Variants in TUSC3 observed in about 807,000 individuals in gnomAD.
TUSC3 encodes dolichyl-diphosphooligosaccharide--protein glycosyltransferase subunit TUSC3.
Under a neutral mutation model 44.8 loss-of-function variants are expected in TUSC3, and 45 were observed. The observed-to-expected ratio is 1.00, with a 90% CI of 0.79 to 1.29. The LOEUF is 1.29. Ranked by LOEUF, TUSC3 falls within the 50% of genes most tolerant of loss-of-function variation. The pLI is 0.00. For missense variants in TUSC3, 519 were observed against 437.9 expected, an observed-to-expected ratio of 1.19 and a Z score of -1.65; for synonymous variants, 212 against 152.9, an observed-to-expected ratio of 1.39 and a Z score of -2.85.
At chr8:15,614,286 A>G (rs1037431711) in intron 1 of TUSC3, among the ~76,000 whole-genome samples, 4 of 152,090 alleles carry the variant, frequency 2.6e-5, no homozygotes, top group African/African-American at 9.7e-5. Flanking sequence ...TATGCCCACT[A>G]GCCTTTATGT....
intron 2 of TUSC3, among the ~76,000 whole-genome samples, chr8:15,524,126 A>C (rs1409331716): frequency 1.3e-5 from 2 of 151,862 alleles, no homozygotes; most frequent in Middle Eastern, 3.4e-3. Context: ...TTTTTATACT[A>C]AACTAGCCCA....
At chr8:15,713,423 G>A (rs1214659967) in intron 6 of TUSC3, among the ~76,000 whole-genome samples, 1 of 152,054 alleles carries the variant, frequency 6.6e-6, no homozygotes, top group Middle Eastern at 3.2e-3. Context: ...TAAACATAAG[G>A]CATTAGTGGC....
intron 1 of TUSC3, among the ~76,000 whole-genome samples, chr8:15,567,102 T>C (rs1390590835): frequency 1.3e-5 from 2 of 152,164 alleles, no homozygotes; most frequent in African/African-American, 4.8e-5. Context: ...ACCATATCTT[T>C]CTGGGTCACA....
intron 2 of TUSC3, among the ~76,000 whole-genome samples, chr8:15,520,304 A>C (rs1391136414): frequency 6.6e-6 from 1 of 152,240 alleles, no homozygotes; most frequent in Non-Finnish European, 1.5e-5. Context: ...ACAAATGAAT[A>C]CTATCATACA....
intron 1 of TUSC3, among the ~76,000 whole-genome samples, chr8:15,457,912 G>C (rs923233240): frequency 6.7e-6 from 1 of 149,346 alleles, no homozygotes; most frequent in Non-Finnish European, 1.5e-5. Context: ...ATTACTAATT[G>C]AATAATAATT....
intron 1 of TUSC3, among the ~76,000 whole-genome samples, chr8:15,457,253 A>G (rs1406580741): frequency 6.6e-6 from 1 of 152,034 alleles, no homozygotes; most frequent in Non-Finnish European, 1.5e-5. Context: ...CCAACATGGC[A>G]CGTGTATACA....
At chr8:15,447,755 G>C (rs1323218861) in intron 1 of TUSC3, among the ~76,000 whole-genome samples, 1 of 149,708 alleles carries the variant, frequency 6.7e-6, no homozygotes, top group Non-Finnish European at 1.5e-5. Context: ...CCACCTCTCT[G>C]TAGGAAATCA....
intron 1 of TUSC3, among the ~76,000 whole-genome samples, chr8:15,583,908 G>C (rs1429083): frequency 0.38 from 57,071 of 152,076 alleles, 13,367 homozygotes; most frequent in Non-Finnish European, 0.52. Context: ...GGAAAAATCA[G>C]GAAAGGAAAT....
chr8:15,720,201 T>TATACACACACACACACAC (rs369753796), intron 6 of TUSC3, among the ~76,000 whole-genome samples: 10 of 141,706 alleles, frequency 7.1e-5, no homozygotes, highest in South Asian at 4.8e-4. Flanking sequence ...TATATATATA[T>TATACACACACACACACAC]ACACACACAC....
chr8:15,457,332 T>C (rs946666155), intron 1 of TUSC3, among the ~76,000 whole-genome samples: 2 of 151,520 alleles, frequency 1.3e-5, no homozygotes, highest in African/African-American at 4.8e-5. Flanking sequence ...TATATATATA[T>C]TTAAAAAAAC....
chr8:15,771,897 G>C, the TUSC3 span, among the ~76,000 whole-genome samples: 1 of 152,034 alleles, frequency 6.6e-6, no homozygotes, highest in Non-Finnish European at 1.5e-5. Flanking sequence ...GACCATCCTG[G>C]CTAACACGGT....
intron 6 of TUSC3, among the ~76,000 whole-genome samples, chr8:15,699,377 C>G (rs1809302681): frequency 6.6e-6 from 1 of 152,188 alleles, no homozygotes; most frequent in Admixed American, 6.5e-5. Context: ...AGACTGCACT[C>G]TCTCACCACT....
chr8:15,693,085 C>T (rs1808992376), intron 6 of TUSC3, among the ~76,000 whole-genome samples: 1 of 152,166 alleles, frequency 6.6e-6, no homozygotes, highest in African/African-American at 2.4e-5. Flanking sequence ...GACAGCTTAC[C>T]ATTGGTTCTT....
chr8:15,636,646 G>A (rs1028522556), intron 2 of TUSC3, among the ~76,000 whole-genome samples: 4 of 152,188 alleles, frequency 2.6e-5, no homozygotes, highest in Non-Finnish European at 5.9e-5. Context: ...TGTCCCCAAA[G>A]ATACGGGGTG....
intron 9 of TUSC3, 107 bp from the exon 10 acceptor site, chr8:15,757,684 A>C: frequency 7.2e-7 from 1 of 1,388,398 alleles, no homozygotes; most frequent in Non-Finnish European, 1.0e-6. Flanking sequence ...TCTTATCTAG[A>C]TAAAGAATGT....
At chr8:15,775,641 T>C in the TUSC3 span, among the ~76,000 whole-genome samples, 42,306 of 105,824 alleles carry the variant, frequency 0.4, 6,617 homozygotes, top group Admixed American at 0.55. Flanking sequence ...CACATATATA[T>C]ATATATATAC....
chr8:15,822,861 T>C, the TUSC3 span, among the ~76,000 whole-genome samples: 1 of 152,148 alleles, frequency 6.6e-6, no homozygotes. Flanking sequence ...ACCTTCGCAG[T>C]ATCAGTTTTG....
intron 6 of TUSC3, among the ~76,000 whole-genome samples, chr8:15,695,804 C>T (rs1745758060): frequency 1.3e-5 from 2 of 152,186 alleles, no homozygotes; most frequent in Admixed American, 6.5e-5. Context: ...TTAGCAGAGA[C>T]AGGTGGCATT....
the TUSC3 span, among the ~76,000 whole-genome samples, chr8:15,773,072 G>T: frequency 4.4e-4 from 61 of 137,832 alleles, no homozygotes; most frequent in East Asian, 0.01. Context: ...TGAAATCAGG[G>T]ACATGGCAAG....
Sources: gnomAD v4.1 joint callset for allele counts (sites outside exome capture counted in the v4.1 genomes callset) on GRCh38, gnomAD v4.1.1 for gene constraint, MANE v1.5 for transcripts, NCBI Gene and HGNC (gene_info 2026-07-23, HGNC 2026-07-21) for gene names.